The following OSBPL3 variants were observed in gnomAD, a reference collection of about 807,000 sequenced individuals.
OSBPL3 encodes oxysterol-binding protein-related protein 3.
A neutral mutation model predicts 120.1 loss-of-function variants in OSBPL3; 65 were observed. The observed-to-expected ratio is 0.54, with a 90% confidence interval of 0.44 to 0.67. The LOEUF is 0.67. Among genes scored for constraint, OSBPL3 ranks in the 30% least tolerant of loss-of-function variants. The pLI is 0.00. For synonymous variants in OSBPL3, 416 were observed against 402.6 expected, an observed-to-expected ratio of 1.03 and a Z score of -0.40; for missense variants, 1,004 against 1,082.1, an observed-to-expected ratio of 0.93 and a Z score of 1.01.
intron 1 of OSBPL3, among the ~76,000 whole-genome samples, chr7:24,919,850 T>C (rs1810170929): frequency 6.6e-6 from 1 of 151,020 alleles, no homozygotes; most frequent in South Asian, 2.1e-4. Context: ...GGCATATAAC[T>C]ACAATAGACA....
At chr7:24,810,539 CAAAACA>C (rs376768635) in intron 19 of OSBPL3, among the ~76,000 whole-genome samples, 4 of 152,008 alleles carry the variant, frequency 2.6e-5, no homozygotes, top group African/African-American at 9.7e-5. Flanking sequence ...CAAAACAAAA[CAAAACA>C]AAAACAAAAA....
intron 12 of OSBPL3, among the ~76,000 whole-genome samples, chr7:24,842,630 A>T (rs1797922234): frequency 6.6e-6 from 1 of 152,190 alleles, no homozygotes; most frequent in African/African-American, 2.4e-5. Flanking sequence ...ATCACTTCTC[A>T]CACACATGCA....
chr7:24,941,942 A>G (rs140925952), intron 1 of OSBPL3, among the ~76,000 whole-genome samples: 28 of 152,314 alleles, frequency 1.8e-4, no homozygotes, highest in Non-Finnish European at 3.2e-4. Context: ...GGCAGGCTGT[A>G]TAGTTACCAG....
Position 24,892,418 on chromosome 7 carries a change from T to G in OSBPL3, c.55A>C (p.Arg19=), listed in dbSNP as rs1464629964. The G allele has an allele frequency of 2.5e-6, 4 of 1,613,782 alleles. No homozygotes were observed. The highest frequency in any genetic ancestry group is 1.7e-5 in the Admixed American group (1 of 60,000). Residue 19 remains arginine (R), a synonymous_variant, in exon 2 of 23, where the codon AGG becomes CGG. Coordinates refer to ENST00000313367, the MANE Select transcript of OSBPL3 (RefSeq NM_015550.4). ...TTGGAAGAGCAGCTACTTGTGCTCC[T>G]TGAAGGTGATACCAATTTTTGGGAC... is the stretch of plus-strand genomic sequence containing the variant. ...GVSQKLVSPS[R]STSSCSSKQG...
rs192919029 is a variant in OSBPL3 at position 24,821,952 on chromosome 7, C to T, written c.1885-1714G>A. Among the ~76,000 whole-genome samples the T allele has an allele frequency of 2.0e-5, 3 of 152,324 alleles. No homozygotes were observed. Among genetic ancestry groups the T allele is most frequent in the Non-Finnish European group, 4.4e-5 (3 of 68,024 alleles). ...GCAGTGGCACAATCACAGCCCACTA[C>T]AGCCTTGACCTCCAGGGCTCAAGTG... On this transcript the variant is annotated intron_variant, in intron 16 of 22. Transcript: ENST00000313367. This position sits in a 1 kb window ranked among gnomAD's most constrained non-coding sequence, Gnocchi z 5.5.
intron 9 of OSBPL3, 116 bp from the exon 10 acceptor site, chr7:24,861,885 T>C (rs1800594903): frequency 1.4e-5 from 1 of 71,940 alleles, no homozygotes. Context: ...TAGGTAGGTC[T>C]TTTTTTTTTT....
rs1166859880 is a variant in OSBPL3, at chr7:24,947,361, G to A, written c.-150+32525C>T. Among the ~76,000 whole-genome samples, 1 of 152,186 alleles carries A rather than the reference G, an allele frequency of 6.6e-6. No homozygotes were observed. Among genetic ancestry groups the A allele is most frequent in the African/African-American group, 2.4e-5 (1 of 41,452 alleles). On this transcript the variant is annotated intron_variant, in intron 1 of 22. Coordinates refer to ENST00000313367, the MANE Select transcript of OSBPL3 (RefSeq NM_015550.4). The surrounding 1 kb of genome is among the most constrained non-coding windows in gnomAD (Gnocchi z 4.4). Reference sequence around the variant, plus strand: ...TCTGAATAAAGCTCTTCCAGGTAGAGTTCAATGGCTACAGAAGGAATCAGC... The same window carrying A: ...TCTGAATAAAGCTCTTCCAGGTAGAATTCAATGGCTACAGAAGGAATCAGC...
Position 24,866,205 on chromosome 7 carries a change from T to C in OSBPL3, c.414A>G (p.Val138=). Residue 138 remains valine (V), a synonymous_variant, in exon 6 of 23, where the codon GTA becomes GTG. Coordinates refer to ENST00000313367, the MANE Select transcript of OSBPL3 (RefSeq NM_015550.4). The stretch of plus-strand genomic sequence containing the variant: ...ACATTCTGTGGTGGCGAAGTTTCGA[T>C]ACCCACTCATCAAAGACTTCTTCTG... ...VKSEEVFDEW[V]SKLRHHRMYR... 1.2e-6 allele frequency: 2 copies of C among 1,612,646 alleles called. No individual in the cohort carries two copies. Among genetic ancestry groups the C allele is most frequent in the Non-Finnish European group, 1.7e-6 (2 of 1,178,630 alleles).
rs1038297949 is a variant in OSBPL3 at position 24,936,163 on chromosome 7, A to G, written c.-149-43542T>C. On this transcript the variant is annotated intron_variant, in intron 1 of 22. Coordinates refer to ENST00000313367, the MANE Select transcript of OSBPL3 (RefSeq NM_015550.4). The surrounding 1 kb of genome is among the most constrained non-coding windows in gnomAD (Gnocchi z 4.2). ...TCAACTTCATAATGAAGGGGCCTTA[A>G]GTTACTGGTTCCAGTAAAAGATAAA... Among the ~76,000 whole-genome samples, 5 of 152,076 alleles carry G rather than the reference A, an allele frequency of 3.3e-5. No individual in the cohort carries two copies. The highest frequency in any genetic ancestry group is 1.2e-4 in the African/African-American group (5 of 41,400).
chr7:24,914,818 G>A (rs1362517497), intron 1 of OSBPL3, among the ~76,000 whole-genome samples: 1 of 152,160 alleles, frequency 6.6e-6, no homozygotes, highest in Non-Finnish European at 1.5e-5. Context: ...TAAACTTACA[G>A]GTACTACAAA....
chr7:24,844,744 A>G (rs1798196740), intron 12 of OSBPL3, among the ~76,000 whole-genome samples: 1 of 152,226 alleles, frequency 6.6e-6, no homozygotes, highest in African/African-American at 2.4e-5. Flanking sequence ...AATTAAATAA[A>G]TATCACTTCA....
intron 1 of OSBPL3, among the ~76,000 whole-genome samples, chr7:24,905,493 G>T (rs1314869395): frequency 6.6e-6 from 1 of 152,136 alleles, no homozygotes; most frequent in Non-Finnish European, 1.5e-5. Context: ...AAACAGACAG[G>T]AAATTTCTGA....
At chr7:24,825,950 G>C (rs1462131098) in intron 16 of OSBPL3, among the ~76,000 whole-genome samples, 3 of 152,210 alleles carry the variant, frequency 2.0e-5, no homozygotes, top group African/African-American at 7.2e-5. Flanking sequence ...CAATGATCTG[G>C]ACAACTAAAG....
intron 12 of OSBPL3, among the ~76,000 whole-genome samples, chr7:24,843,524 G>C (rs567944621): frequency 6.6e-6 from 1 of 152,300 alleles, no homozygotes; most frequent in Admixed American, 6.5e-5. Context: ...CAGTCTCATA[G>C]GGAGGGGATG....
chr7:24,828,932 G>A (rs1796052295), intron 16 of OSBPL3, among the ~76,000 whole-genome samples: 1 of 152,096 alleles, frequency 6.6e-6, no homozygotes, highest in African/African-American at 2.4e-5. Context: ...CTTATTTCAT[G>A]GAACTAAATG....
At chr7:24,951,334 T>A (rs142569307) in intron 1 of OSBPL3, among the ~76,000 whole-genome samples, 132 of 152,158 alleles carry the variant, frequency 8.7e-4, no homozygotes, top group African/African-American at 3.1e-3. Context: ...AAAAAGTAAA[T>A]CAAAATCACT....
In OSBPL3 at chr7:24,852,661, G is replaced by C. The variant is rs1490641815; in HGVS notation, c.1028-27C>G. The C allele has an allele frequency of 6.9e-7, 1 of 1,445,398 alleles. No homozygotes were observed. The highest frequency in any genetic ancestry group is 2.4e-5 in the East Asian group (1 of 41,558). 89.5% of individuals were successfully genotyped at this position (1,445,398 alleles called of 1,614,324 possible). On this transcript the variant is annotated intron_variant, in intron 10 of 22. Coordinates refer to ENST00000313367, the MANE Select transcript of OSBPL3 (RefSeq NM_015550.4). The surrounding 1 kb of genome is among the most constrained non-coding windows in gnomAD (Gnocchi z 4.1). ...TATAGAGATAGAATCATTATAAAAAGGAATAAGGAGGCATAATTAAAAACA... is the reference window on the plus strand; with the variant it reads ...TATAGAGATAGAATCATTATAAAAACGAATAAGGAGGCATAATTAAAAACA...
rs143223709 is a variant in OSBPL3, at chr7:24,804,569, CG to C, written c.2445-133del. On this transcript the variant is annotated intron_variant, in intron 21 of 22. Coordinates refer to ENST00000313367, the MANE Select transcript of OSBPL3 (RefSeq NM_015550.4). This position sits in a 1 kb window ranked among gnomAD's most constrained non-coding sequence, Gnocchi z 5.4. ...CCTATACGTAAGACCCCGCCCCAAC[CG>C]TTTAATCCGTATCTTGAAGTAGTCA... 10,201 of 712,048 alleles carry C rather than the reference CG, an allele frequency of 0.014. 211 individuals are homozygous for C. Among genetic ancestry groups the C allele is most frequent in the South Asian group, 0.068 (3,429 of 50,288 alleles). 44.1% of individuals were successfully genotyped at this position (712,048 alleles called of 1,614,324 possible).
In OSBPL3 at chr7:24,877,843, C is replaced by T. The variant is rs1204458525; in HGVS notation, c.97-5774G>A. 2.0e-5 allele frequency among the ~76,000 whole-genome samples: 3 copies of T among 152,122 alleles called. No homozygotes were observed. Among genetic ancestry groups the T allele is most frequent in the African/African-American group, 4.8e-5 (2 of 41,414 alleles). ...ACACAGTACAGGGTAGACTTGGGCC[C>T]TTGGGGAAATCAAGGCCCTGCTGAC... is the stretch of plus-strand genomic sequence containing the variant. On this transcript the variant is annotated intron_variant, in intron 2 of 22. Coordinates refer to ENST00000313367, the MANE Select transcript of OSBPL3 (RefSeq NM_015550.4). This position sits in a 1 kb window ranked among gnomAD's most constrained non-coding sequence, Gnocchi z 4.8.
Sources: allele counts gnomAD v4.1 joint callset (sites outside exome capture counted in the v4.1 genomes callset), GRCh38; gene constraint gnomAD v4.1.1; non-coding constraint Gnocchi (gnomAD v3.1); transcripts MANE v1.5; gene names NCBI Gene and HGNC (gene_info 2026-07-23, HGNC 2026-07-21).